LUZP4: variants seen among roughly 807,000 people sequenced by gnomAD.
The protein encoded by LUZP4 is leucine zipper protein 4.
Under a neutral mutation model 8.5 loss-of-function variants are expected in LUZP4, and 11 were observed. The ratio of observed to expected loss-of-function variants is 1.30; its 90% CI spans 0.82 to 2.14. LUZP4 has a LOEUF of 2.14. Ranked by LOEUF, LUZP4 falls within the 30% of genes most tolerant of loss-of-function variation. The pLI is 0.00. For synonymous variants in LUZP4, 104 were observed against 79.4 expected, an observed-to-expected ratio of 1.31 and a Z score of -1.65; for missense variants, 276 against 229.7, an observed-to-expected ratio of 1.20 and a Z score of -1.30.
Position 115,302,115 on chromosome X carries a change from A to G in LUZP4, c.215A>G (p.His72Arg), listed in dbSNP as rs781853443. 2 of 1,185,403 alleles carry G rather than the reference A, an allele frequency of 1.7e-6. No homozygotes were observed. Among genetic ancestry groups the G allele is most frequent in the East Asian group, 3.1e-5 (1 of 32,784 alleles). Residue 72 changes from histidine to arginine, a missense_variant, in exon 2 of 4, where the codon CAT (histidine) becomes CGT (arginine). Coordinates refer to ENST00000371920, the MANE Select transcript of LUZP4 (RefSeq NM_016383.5). ...CAATCAAAAGCTCATAGACATCGCC[A>G]TCGGAGAGGTAAAGTATGCTGAAAA... ...RQQSKAHRHR[H>R]RRGYSRCRSN...
At chrX:115,290,786 G>GGT (rs782661212) in intron 1 of LUZP4, among the ~76,000 whole-genome samples, 1,683 of 108,185 alleles carry the variant, frequency 0.016, 24 homozygotes, top group African/African-American at 0.053. Flanking sequence ...TTTAGTTAGG[G>GGT]GTGTGTGTGT....
rs1569520616 is a variant in LUZP4 at position 115,306,584 on chromosome X, C to T, written c.722C>T (p.Thr241Ile). 4 of 1,208,212 alleles carry T rather than the reference C, an allele frequency of 3.3e-6. No homozygotes were observed. Among genetic ancestry groups the T allele is most frequent in the East Asian group, 5.9e-5 (2 of 33,701 alleles). ...RSRSQGDLVD[T>I]QSDLIATQRD... ...CGTAGCCAGGGAGATCTTGTGGACACTCAGAGTGATCTCATAGCCACTCAG... is the reference window on the plus strand; with the variant it reads ...CGTAGCCAGGGAGATCTTGTGGACATTCAGAGTGATCTCATAGCCACTCAG... The change falls in exon 4 of 4, where the codon ACT becomes ATT. Residue 241 changes from threonine to isoleucine, a missense_variant. Physicochemically the swap from Thr to Ile is moderately conservative, Grantham distance 89. Coordinates refer to ENST00000371920, the MANE Select transcript of LUZP4 (RefSeq NM_016383.5).
intron 1 of LUZP4, among the ~76,000 whole-genome samples, chrX:115,300,600 C>A (rs782517501): frequency 2.7e-5 from 3 of 111,538 alleles, no homozygotes; most frequent in Non-Finnish European, 5.7e-5. Context: ...TTCGGGCTGC[C>A]GGGATGGGTG....
chrX:115,300,218 C>T (rs372991098), intron 1 of LUZP4, among the ~76,000 whole-genome samples: 1 of 111,448 alleles, frequency 9.0e-6, no homozygotes, highest in Non-Finnish European at 1.9e-5. Context: ...GTCATGTGGC[C>T]CCCCCAGTCC....
rs782423671 is a variant in LUZP4 at position 115,304,321 on chromosome X, A to C, written c.342+903A>C. On this transcript the variant is annotated intron_variant, in intron 3 of 3. Coordinates refer to ENST00000371920, the MANE Select transcript of LUZP4 (RefSeq NM_016383.5). Reference sequence around the variant, plus strand: ...ATACATTGTGGGGATGTAGAAATTCATTCTGATTGGGATTCTTGAGAAACT... The same window carrying C: ...ATACATTGTGGGGATGTAGAAATTCCTTCTGATTGGGATTCTTGAGAAACT... Among the ~76,000 whole-genome samples the C allele has an allele frequency of 4.5e-5, 5 of 111,470 alleles. No individual in the cohort carries two copies. The South Asian group carries it at 1.9e-3, about 42-fold the overall frequency.
At chrX:115,294,977 T>C (rs1334162189) in intron 1 of LUZP4, among the ~76,000 whole-genome samples, 1 of 112,477 alleles carries the variant, frequency 8.9e-6, no homozygotes, top group Non-Finnish European at 1.9e-5. Context: ...TATCCATATT[T>C]ATACCTTTTT....
At chrX:115,293,097 CA>C (rs1162631273) in intron 1 of LUZP4, among the ~76,000 whole-genome samples, 21 of 104,202 alleles carry the variant, frequency 2.0e-4, no homozygotes, top group Middle Eastern at 5.0e-3. Flanking sequence ...CAAGGAGTCA[CA>C]AAAAAAAAAT....
Position 115,306,430 on chromosome X carries a change from T to C in LUZP4, c.568T>C (p.Ser190Pro). Residue 190 changes from serine (S) to proline (P), a missense_variant, in exon 4 of 4, where the codon TCT (serine) becomes CCT (proline). Coordinates refer to ENST00000371920, the MANE Select transcript of LUZP4 (RefSeq NM_016383.5). ...LKRHHPQYER[S>P]HGQYKRSHGQ... ...GAGACATCATCCCCAATATGAGAGA[T>C]CTCATGGCCAATACAAGAGATCTCA... 7.4e-6 allele frequency: 9 copies of C among 1,210,918 alleles called. No individual in the cohort carries two copies. Among genetic ancestry groups the C allele is most frequent in the Non-Finnish European group, 1.0e-5 (9 of 895,219 alleles).
intron 1 of LUZP4, among the ~76,000 whole-genome samples, chrX:115,295,408 AT>A (rs1465174143): frequency 8.9e-6 from 1 of 112,641 alleles, no homozygotes; most frequent in African/African-American, 3.2e-5. Context: ...GGCAAGAAAA[AT>A]ACACAATAAA....
rs138270215 is a variant in LUZP4 at position 115,298,347 on chromosome X, G to C, written c.92-3645G>C. ...CTCCCAAAATGCTGGGAATACAGGC[G>C]TAAGCCACCACTCCCAACCCCTTTG... On this transcript the variant is annotated intron_variant, in intron 1 of 3. Coordinates refer to ENST00000371920, the MANE Select transcript of LUZP4 (RefSeq NM_016383.5). 7.1e-3 allele frequency among the ~76,000 whole-genome samples: 801 copies of C among 112,488 alleles called. 6 individuals are homozygous for C. The highest frequency in any genetic ancestry group is 0.021 in the East Asian group (76 of 3,545).
chrX:115,290,288 G>A (rs1556596191), intron 1 of LUZP4, among the ~76,000 whole-genome samples: 3 of 111,785 alleles, frequency 2.7e-5, no homozygotes. Context: ...GGGCCCGGAG[G>A]AGCAAGCCTT....
rs782560255 is a variant in LUZP4, at chrX:115,293,325, C to T, written c.91+3475C>T. 5.5e-5 allele frequency among the ~76,000 whole-genome samples: 6 copies of T among 109,247 alleles called. No homozygotes were observed. The South Asian group carries it at 1.6e-3, about 30-fold the overall frequency. 94.9% of individuals were successfully genotyped at this position (109,247 alleles called of 115,157 possible). A position where few individuals can be genotyped will look rare whatever the true frequency, so the allele number is the denominator to read the frequency against. Reference sequence around the variant, plus strand: ...ATGGGATCTCACTCTGTCACCCAGGCTGGAGTGCAGTGGCATTATCACAGC... The same window carrying T: ...ATGGGATCTCACTCTGTCACCCAGGTTGGAGTGCAGTGGCATTATCACAGC... On this transcript the variant is annotated intron_variant, in intron 1 of 3. Transcript: ENST00000371920.
At position 115,307,059 on chromosome X, in the gene LUZP4, C is replaced by T; in HGVS notation, c.*255C>T. 1.1e-5 allele frequency: 4 copies of T among 362,125 alleles called. No individual in the cohort carries two copies. The highest frequency in any genetic ancestry group is 1.9e-5 in the Non-Finnish European group (4 of 206,968). 29.8% of individuals were successfully genotyped at this position (362,125 alleles called of 1,213,427 possible). On this transcript the variant is annotated 3_prime_UTR_variant, in exon 4 of 4. Coordinates refer to ENST00000371920, the MANE Select transcript of LUZP4 (RefSeq NM_016383.5). The stretch of plus-strand genomic sequence containing the variant: ...GAAGAGCCGTATGTACTCAGCCTTT[C>T]CTATTGGGCCTTCCCCACAATTAGA...
At chrX:115,304,582 G>C (rs2073411692) in intron 3 of LUZP4, among the ~76,000 whole-genome samples, 1 of 110,860 alleles carries the variant, frequency 9.0e-6, no homozygotes, top group Admixed American at 9.7e-5. Flanking sequence ...TGTGATCATG[G>C]CTCACTGCCT....
intron 2 of LUZP4, 69 bp from the exon 3 acceptor site, chrX:115,303,231 G>A: frequency 1.6e-6 from 1 of 606,254 alleles, no homozygotes; most frequent in Middle Eastern, 3.4e-4. Flanking sequence ...AATGAGATCA[G>A]AGATAATACT....
At chrX:115,303,522 C>T (rs1305936936) in intron 3 of LUZP4, 104 bp downstream of exon 3, 3 of 370,452 alleles carry the variant, frequency 8.1e-6, no homozygotes, top group African/African-American at 8.1e-5. Context: ...GGGATTGTTT[C>T]TTGGTATTCC....
intron 1 of LUZP4, among the ~76,000 whole-genome samples, chrX:115,290,365 T>C (rs1332721366): frequency 4.5e-5 from 5 of 110,895 alleles, no homozygotes; most frequent in African/African-American, 1.6e-4. Flanking sequence ...TGTATCTGCT[T>C]TGTTGGCTGG....
rs144924016 is a variant in LUZP4 at position 115,292,374 on chromosome X, C to T, written c.91+2524C>T. On this transcript the variant is annotated intron_variant, in intron 1 of 3. Coordinates refer to ENST00000371920, the MANE Select transcript of LUZP4 (RefSeq NM_016383.5). The stretch of plus-strand genomic sequence containing the variant: ...ACTTGTTAAAAAGACTAATTTTCCT[C>T]CATTGAAAGCTCTTCTTGGTGGAAT... 4.3e-3 allele frequency among the ~76,000 whole-genome samples: 478 copies of T among 111,028 alleles called. 6 individuals are homozygous for T. Among genetic ancestry groups the T allele is most frequent in the Admixed American group, 8.1e-3 (84 of 10,398 alleles).
chrX:115,306,447 G>C lies in LUZP4; in HGVS notation c.585G>C (p.Lys195Asn). The C allele has an allele frequency of 2.5e-6, 3 of 1,211,240 alleles. No homozygotes were observed. The South Asian group carries it at 5.3e-5, about 21-fold the overall frequency. The change falls in exon 4 of 4, where the codon AAG becomes AAC. Residue 195 changes from lysine to asparagine, a missense_variant. Lys to Asn is a moderately conservative substitution (Grantham distance 94). Transcript: ENST00000371920. ...ATGAGAGATCTCATGGCCAATACAA[G>C]AGATCTCATGGTCAATCTGAGAGAT... ...PQYERSHGQY[K>N]RSHGQSERSH...
Sources: gnomAD v4.1 joint callset for allele counts (sites outside exome capture counted in the v4.1 genomes callset) on GRCh38, gnomAD v4.1.1 for gene constraint, MANE v1.5 for transcripts, NCBI Gene and HGNC (gene_info 2026-07-23, HGNC 2026-07-21) for gene names.